Variants in DOCK1 observed in about 807,000 individuals in gnomAD.
DOCK1 encodes the protein dedicator of cytokinesis 1, also known as dedicator of cytokinesis protein 1.
DOCK1 carries 138 observed loss-of-function variants against 262.7 expected under a neutral mutation model. The ratio of observed to expected loss-of-function variants is 0.53; its 90% confidence interval spans 0.46 to 0.61. DOCK1 has a LOEUF of 0.61. Among genes scored for constraint, DOCK1 ranks in the 20% least tolerant of loss-of-function variants. DOCK1 has a pLI of 0.00. For synonymous variants in DOCK1, 866 were observed against 867.4 expected (o/e 1.00, Z 0.03); for missense variants, 1,908 against 2,370.7 (o/e 0.80, Z 4.05).
At chr10:127,146,957 A>G (rs1254101442) in intron 27 of DOCK1, among the ~76,000 whole-genome samples, 1 of 152,066 alleles carries the variant, frequency 6.6e-6, no homozygotes, top group Non-Finnish European at 1.5e-5. Flanking sequence ...TTTGCAATAC[A>G]CTCGGAATCA....
intron 21 of DOCK1, among the ~76,000 whole-genome samples, chr10:127,048,666 A>C (rs117014059): frequency 6.6e-6 from 1 of 152,216 alleles, no homozygotes; most frequent in Non-Finnish European, 1.5e-5. Flanking sequence ...AAACTAAACA[A>C]TTACTTCCGC....
rs10829372 is a variant in DOCK1 at position 127,099,242 on chromosome 10, G to A, written c.2446-6989G>A. On this transcript the variant is annotated intron_variant, in intron 23 of 51. Transcript: ENST00000623213. ...GCAGTCAGTTTGGGAGTCATGGAGG[G>A]TCGACTTCCCAATGTCCTCTGTGAG... Among the ~76,000 whole-genome samples the A allele has an allele frequency of 6.7e-3, 1,027 of 152,296 alleles. 6 individuals carry two copies. The highest frequency in any genetic ancestry group is 0.012 in the Admixed American group (181 of 15,294).
chr10:127,064,908 C>A (rs1267852669), intron 23 of DOCK1, among the ~76,000 whole-genome samples: 1 of 152,220 alleles, frequency 6.6e-6, no homozygotes, highest in Non-Finnish European at 1.5e-5. Flanking sequence ...CAACTCCCTG[C>A]AGCCCCTGGC....
At position 127,187,528 on chromosome 10, in the gene DOCK1, G is replaced by T. The variant is rs371063935; in HGVS notation, c.2847+59764G>T. On this transcript the variant is annotated intron_variant, in intron 27 of 51. Transcript: ENST00000623213. ...AATGGAGTCTTTTAAAAGTTGTTTT[G>T]GTTTTTGTTTTTGTGTGTGGGTTTT... Among the ~76,000 whole-genome samples the T allele has an allele frequency of 2.0e-4, 30 of 152,210 alleles. 1 individual carries two copies. The highest frequency in any genetic ancestry group is 1.7e-3 in the South Asian group (8 of 4,810).
intron 23 of DOCK1, among the ~76,000 whole-genome samples, chr10:127,103,493 T>A (rs1283783529): frequency 6.6e-6 from 1 of 152,152 alleles, no homozygotes; most frequent in East Asian, 1.9e-4. Flanking sequence ...GCATTGCTGA[T>A]TCCTTTCCTC....
chr10:127,174,378 T>G lies in DOCK1; in HGVS notation c.2847+46614T>G, dbSNP rs2054870848. On this transcript the variant is annotated intron_variant, in intron 27 of 51. Transcript: ENST00000623213. The stretch of plus-strand genomic sequence containing the variant: ...ACCCAGAGTAGAACAGGCTGCTTTG[T>G]ATCAGCTGAGCACATGCCGGCCTGT... Among the ~76,000 whole-genome samples the G allele has an allele frequency of 2.0e-5, 3 of 152,180 alleles. No homozygotes were observed. In the South Asian group the frequency reaches 6.2e-4, roughly 32 times the overall value.
chr10:127,200,035 G>A (rs774258958), intron 27 of DOCK1, among the ~76,000 whole-genome samples: 3 of 152,156 alleles, frequency 2.0e-5, no homozygotes, highest in South Asian at 2.1e-4. Flanking sequence ...GGAGACTGCC[G>A]ATGAAACGCC....
intron 1 of DOCK1, among the ~76,000 whole-genome samples, chr10:126,919,272 T>C (rs551883499): frequency 5.3e-5 from 8 of 152,336 alleles, no homozygotes; most frequent in South Asian, 4.1e-4. Context: ...TCGAAAATAA[T>C]AACTTATTTT....
At chr10:127,080,220 C>T (rs1405010810) in intron 23 of DOCK1, among the ~76,000 whole-genome samples, 1 of 149,336 alleles carries the variant, frequency 6.7e-6, no homozygotes, top group East Asian at 2.0e-4. Context: ...TCATTTCCAC[C>T]AGATCTCCAC....
At chr10:127,011,698 C>T (rs552978472) in intron 11 of DOCK1, among the ~76,000 whole-genome samples, 7 of 150,806 alleles carry the variant, frequency 4.6e-5, no homozygotes, top group African/African-American at 1.7e-4. Flanking sequence ...TACCATTCTT[C>T]TCACATGTAG....
At chr10:127,079,685 CT>C (rs2046786681) in intron 23 of DOCK1, among the ~76,000 whole-genome samples, 1 of 152,192 alleles carries the variant, frequency 6.6e-6, no homozygotes, top group Non-Finnish European at 1.5e-5. Flanking sequence ...AATCCCAGCA[CT>C]TTGGGAGGCC....
At position 127,026,394 on chromosome 10, in the gene DOCK1, T is replaced by C. The variant is rs1273598919; in HGVS notation, c.1594T>C (p.Phe532Leu). The C allele has an allele frequency of 1.9e-6, 3 of 1,579,142 alleles. No individual in the cohort carries two copies. Among genetic ancestry groups the C allele is most frequent in the Admixed American group, 1.8e-5 (1 of 55,270 alleles). Residue 532 changes from phenylalanine (F) to leucine (L), a missense_variant, in exon 16 of 52, where the codon TTT (phenylalanine) becomes CTT (leucine). Coordinates refer to ENST00000623213, the MANE Select transcript of DOCK1 (RefSeq NM_001290223.2). ...GGACGTTAACCGCAGTCACCTTCGG[T>C]TTACCTTCCGCCACAGGTCATCACA... ...IEDVNRSHLR[F>L]TFRHRSSQDS...
chr10:127,247,195 G>A (rs534370786), intron 27 of DOCK1, among the ~76,000 whole-genome samples: 76 of 152,292 alleles, frequency 5.0e-4, no homozygotes, highest in African/African-American at 1.5e-3. Context: ...CCGGAGAGAC[G>A]TTTCAGCTTT....
chr10:127,024,023 G>A (rs183323628), intron 14 of DOCK1, among the ~76,000 whole-genome samples: 1 of 152,276 alleles, frequency 6.6e-6, no homozygotes, highest in East Asian at 1.9e-4. Flanking sequence ...ACAGCAGCCT[G>A]CAGGGTCCAC....
intron 27 of DOCK1, among the ~76,000 whole-genome samples, chr10:127,236,269 A>C (rs2059047065): frequency 6.6e-6 from 1 of 152,014 alleles, no homozygotes; most frequent in African/African-American, 2.4e-5. Context: ...TCTATGATAC[A>C]TTTTGAGTCA....
intron 27 of DOCK1, among the ~76,000 whole-genome samples, chr10:127,159,262 A>G (rs1207680297): frequency 6.6e-6 from 1 of 152,188 alleles, no homozygotes; most frequent in East Asian, 1.9e-4. Context: ...CTTTAAAGAA[A>G]GGAAAATAAA....
At chr10:127,404,844 A>T (rs926545384) in intron 40 of DOCK1, among the ~76,000 whole-genome samples, 2 of 151,486 alleles carry the variant, frequency 1.3e-5, no homozygotes, top group Non-Finnish European at 2.9e-5. Flanking sequence ...TTAAACACGA[A>T]CTCCCCATTC....
chr10:127,005,104 A>C (rs577876347), intron 10 of DOCK1, among the ~76,000 whole-genome samples: 214 of 152,176 alleles, frequency 1.4e-3, no homozygotes, highest in African/African-American at 4.6e-3. Context: ...TGGGAGGCCA[A>C]AGTGGGTGGA....
At chr10:126,958,917 C>T (rs1344110445) in intron 1 of DOCK1, among the ~76,000 whole-genome samples, 4 of 152,192 alleles carry the variant, frequency 2.6e-5, no homozygotes, top group Non-Finnish European at 5.9e-5. Context: ...GTCCTGAGAA[C>T]ATGTGCCCCA....
Sources: allele counts gnomAD v4.1 joint callset (sites outside exome capture counted in the v4.1 genomes callset), GRCh38; gene constraint gnomAD v4.1.1; transcripts MANE v1.5; gene names NCBI Gene and HGNC (gene_info 2026-07-23, HGNC 2026-07-21).